The following ERC1 variants were observed in gnomAD, a reference collection of about 807,000 sequenced individuals.
ERC1 encodes RAB6 interacting protein 2.
ERC1 carries 56 observed loss-of-function variants against 132.0 expected under a neutral mutation model. That is an observed-to-expected ratio of 0.42 (90% CI 0.34 to 0.53). ERC1 has a LOEUF of 0.53. ERC1 is among the 20% of genes least tolerant of loss of function. The probability of loss-of-function intolerance (pLI) is 0.03; values close to 1 mark genes in which losing one functional copy is unlikely to be tolerated. For missense variants in ERC1, 1,202 were observed against 1,349.9 expected (o/e 0.89, Z 1.72); for synonymous variants, 478 against 476.1 (o/e 1.00, Z -0.05).
intron 15 of ERC1, among the ~76,000 whole-genome samples, chr12:1,304,882 C>CG (rs1029810532): frequency 6.7e-6 from 1 of 148,630 alleles, no homozygotes; most frequent in Non-Finnish European, 1.5e-5. Context: ...CTCCGCCTCC[C>CG]GGGTTGACGC....
chr12:1,131,628 A>C (rs1230787024), intron 7 of ERC1, among the ~76,000 whole-genome samples: 1 of 17,184 alleles, frequency 5.8e-5, no homozygotes. Context: ...CACCCAGCTA[A>C]TTTTTTTGTA....
chr12:1,382,736 G>T (rs944013563), intron 16 of ERC1, among the ~76,000 whole-genome samples: 11 of 152,176 alleles, frequency 7.2e-5, no homozygotes, highest in African/African-American at 2.7e-4. Context: ...AGTTTAAAAA[G>T]AAGCAAATCA....
At chr12:999,387 T>G (rs1289251466) in intron 1 of ERC1, among the ~76,000 whole-genome samples, 1 of 152,170 alleles carries the variant, frequency 6.6e-6, no homozygotes, top group Non-Finnish European at 1.5e-5. Flanking sequence ...GAATGTATGA[T>G]TCCTACACTT....
chr12:1,234,587 C>T (rs1201234425), intron 12 of ERC1, among the ~76,000 whole-genome samples: 1 of 152,174 alleles, frequency 6.6e-6, no homozygotes, highest in African/African-American at 2.4e-5. Flanking sequence ...TTTGGTGGAA[C>T]TTGACGGGCT....
intron 15 of ERC1, among the ~76,000 whole-genome samples, chr12:1,344,565 T>C (rs543002452): frequency 1.3e-5 from 2 of 152,288 alleles, no homozygotes; most frequent in African/African-American, 4.8e-5. Context: ...CTAAAATAAG[T>C]ATTCATTTAA....
chr12:1,430,365 CTAAATAATT>C (rs1222193065), intron 17 of ERC1: 1 of 152,066 alleles, frequency 6.6e-6, no homozygotes, highest in African/African-American at 2.4e-5. Flanking sequence ...AGGAGGAATG[CTAAATAATT>C]TTCAGGCTTT....
chr12:1,160,600 A>T (rs1332958912), intron 8 of ERC1, among the ~76,000 whole-genome samples: 1 of 152,120 alleles, frequency 6.6e-6, no homozygotes, highest in East Asian at 1.9e-4. Flanking sequence ...AATCCCAGCT[A>T]CTGGGGAGGC....
chr12:1,146,317 T>TTGTTGTTGTTG (rs1950353288), intron 8 of ERC1, among the ~76,000 whole-genome samples: 2 of 142,592 alleles, frequency 1.4e-5, no homozygotes, highest in Admixed American at 7.0e-5. Context: ...GGTTTTTTTT[T>TTGTTGTTGTTG]TTTTTTTTTT....
intron 17 of ERC1, among the ~76,000 whole-genome samples, chr12:1,423,779 T>G (rs2092516374): frequency 6.6e-6 from 1 of 152,222 alleles, no homozygotes; most frequent in Non-Finnish European, 1.5e-5. Flanking sequence ...GACTCATTTA[T>G]GATTGTTATA....
At chr12:1,122,553 ATCTCTATCTCTATCTGTG>A (rs1947612191) in intron 7 of ERC1, among the ~76,000 whole-genome samples, 1 of 59,370 alleles carries the variant, frequency 1.7e-5, no homozygotes, top group Non-Finnish European at 3.4e-5. Context: ...CTGTGTCTCT[ATCTCTATCTCTATCTGTG>A]TCTCTATCTC....
intron 3 of ERC1, among the ~76,000 whole-genome samples, chr12:1,104,251 A>G (rs1945000628): frequency 6.6e-6 from 1 of 152,064 alleles, no homozygotes; most frequent in East Asian, 1.9e-4. Flanking sequence ...GCTTCATCGT[A>G]GGTAACCAGG....
At chr12:1,201,471 G>A (rs1201451294) in intron 12 of ERC1, among the ~76,000 whole-genome samples, 1 of 152,146 alleles carries the variant, frequency 6.6e-6, no homozygotes, top group Non-Finnish European at 1.5e-5. Flanking sequence ...CCAAGTGAAT[G>A]TATTTACTAG....
chr12:1,303,534 G>A (rs1296636513), intron 15 of ERC1, among the ~76,000 whole-genome samples: 1 of 152,000 alleles, frequency 6.6e-6, no homozygotes, highest in Non-Finnish European at 1.5e-5. Context: ...AGCTGCTGGG[G>A]AGACTGAGGC....
At chr12:1,254,958 T>TA (rs963881236) in intron 13 of ERC1, among the ~76,000 whole-genome samples, 2 of 151,182 alleles carry the variant, frequency 1.3e-5, no homozygotes, top group Non-Finnish European at 2.9e-5. Context: ...TTTTTTTTTT[T>TA]AATACTTTAA....
At chr12:1,181,216 A>G (rs968889238) in intron 9 of ERC1, among the ~76,000 whole-genome samples, 1 of 152,166 alleles carries the variant, frequency 6.6e-6, no homozygotes, top group Admixed American at 6.5e-5. Context: ...ATATATCAAA[A>G]TCTTTCCCAT....
At chr12:1,254,251 A>G (rs2154317381) in intron 13 of ERC1, among the ~76,000 whole-genome samples, 1 of 152,320 alleles carries the variant, frequency 6.6e-6, no homozygotes, top group African/African-American at 2.4e-5. Flanking sequence ...TCTGTGACAC[A>G]CAGTACATTT....
At chr12:1,421,704 T>G (rs945749154) in intron 17 of ERC1, among the ~76,000 whole-genome samples, 3 of 152,082 alleles carry the variant, frequency 2.0e-5, no homozygotes, top group African/African-American at 7.2e-5. Flanking sequence ...TCTTGATGAG[T>G]AAGCAATTTT....
chr12:1,456,951 A>AT (rs1325580532), intron 18 of ERC1, among the ~76,000 whole-genome samples: 3 of 152,218 alleles, frequency 2.0e-5, no homozygotes, highest in Non-Finnish European at 4.4e-5. Context: ...CAGAGATTTA[A>AT]TTATTGTCAT....
chr12:1,006,094 A>C (rs2047954918), intron 1 of ERC1, among the ~76,000 whole-genome samples: 2 of 151,864 alleles, frequency 1.3e-5, no homozygotes, highest in Admixed American at 6.6e-5. Flanking sequence ...GTAGCTGGGA[A>C]TACAGGCGCC....
Sources: gnomAD v4.1 joint callset for allele counts (sites outside exome capture counted in the v4.1 genomes callset) on GRCh38, gnomAD v4.1.1 for gene constraint, MANE v1.5 for transcripts, NCBI Gene and HGNC (gene_info 2026-07-23, HGNC 2026-07-21) for gene names.